SVEP1: variants seen among roughly 807,000 people sequenced by gnomAD.
The protein encoded by SVEP1 is sushi, von Willebrand factor type A, EGF and pentraxin domain containing 1.
Under a neutral mutation model 367.3 loss-of-function variants are expected in SVEP1, and 164 were observed. The observed-to-expected ratio is 0.45, with a 90% confidence interval of 0.39 to 0.51. The LOEUF is 0.51. SVEP1 is among the 20% of genes least tolerant of loss of function. SVEP1 has a pLI of 0.00. For synonymous variants in SVEP1, 1,666 were observed against 1,611.6 expected (o/e 1.03, Z -0.81); for missense variants, 4,117 against 4,425.3 (o/e 0.93, Z 1.98).
chr9:110,391,903 C>A (rs1827661237), intron 40 of SVEP1, among the ~76,000 whole-genome samples: 1 of 151,964 alleles, frequency 6.6e-6, no homozygotes, highest in South Asian at 2.1e-4. Context: ...ACTGAGGGAC[C>A]AAATAGAACA....
intron 18 of SVEP1, among the ~76,000 whole-genome samples, chr9:110,464,101 T>A (rs1011949622): frequency 2.0e-5 from 3 of 152,206 alleles, no homozygotes; most frequent in South Asian, 2.1e-4. Flanking sequence ...TTGGAGGAAG[T>A]GGGCAGGAAG....
intron 8 of SVEP1, among the ~76,000 whole-genome samples, chr9:110,492,996 T>G (rs1393389839): frequency 6.6e-6 from 1 of 152,058 alleles, no homozygotes; most frequent in African/African-American, 2.4e-5. Context: ...GGAGGAAGGC[T>G]GTTCTGAAAA....
chr9:110,579,378 C>T lies in SVEP1; in HGVS notation c.166G>A (p.Ala56Thr). Residue 56 changes from alanine (A) to threonine (T), a missense_variant, in exon 1 of 48, where the codon GCG (alanine) becomes ACG (threonine). By Grantham distance (58) the Ala-to-Thr change is moderately conservative. Around this residue, in one of 4 missense-constraint regions of SVEP1, gnomAD observed 161 missense variants for 122.4 expected, o/e 1.32. Transcript: ENST00000374469. The surrounding 1 kb of genome is among the most constrained non-coding windows in gnomAD (Gnocchi z 5.3). ...AGCCGCTCCACTCTGCTCCCCGCCG[C>T]TTCGTCGCCAGGAGCGGGCGGCGCG... is the stretch of plus-strand genomic sequence containing the variant. ...IPAPPAPGDE[A>T]AGSRVERLGQ... 6.4e-7 allele frequency: 1 copy of T among 1,563,992 alleles called. No homozygotes were observed.
chr9:110,550,218 G>T, intron 1 of SVEP1, 114 bp from the exon 2 acceptor site: 2 of 1,373,920 alleles, frequency 1.5e-6, no homozygotes, highest in Non-Finnish European at 1.0e-6. Context: ...CAGGCATGAG[G>T]GATGGAAGCC....
At chr9:110,447,182 G>A (rs1828615505) in intron 24 of SVEP1, 125 bp from the exon 25 acceptor site, 2 of 867,900 alleles carry the variant, frequency 2.3e-6, no homozygotes, top group Non-Finnish European at 3.2e-6. Flanking sequence ...CCAAAACAGT[G>A]CTTTAATTGC....
At chr9:110,552,555 T>C (rs557085986) in intron 1 of SVEP1, among the ~76,000 whole-genome samples, 4 of 152,208 alleles carry the variant, frequency 2.6e-5, no homozygotes, top group African/African-American at 9.6e-5. Context: ...AGCACTCAAC[T>C]TGTTTTCCTG....
chr9:110,378,858 A>G (rs1199638194), intron 44 of SVEP1, among the ~76,000 whole-genome samples: 2 of 151,870 alleles, frequency 1.3e-5, no homozygotes, highest in African/African-American at 4.8e-5. Context: ...ACATGTAGAC[A>G]TATGTAACAA....
At chr9:110,472,466 C>A in intron 14 of SVEP1, 143 bp from the exon 15 acceptor site, 1 of 676,546 alleles carries the variant, frequency 1.5e-6, no homozygotes, top group Non-Finnish European at 2.3e-6. Context: ...GTTTGGTCTA[C>A]AATGTTATAT....
intron 5 of SVEP1, among the ~76,000 whole-genome samples, chr9:110,512,336 G>A (rs1177872003): frequency 6.6e-6 from 1 of 151,734 alleles, no homozygotes; most frequent in African/African-American, 2.4e-5. Context: ...AGGTCCTGGA[G>A]TTGGCAAGTT....
At chr9:110,518,193 C>T (rs75489284) in intron 3 of SVEP1, among the ~76,000 whole-genome samples, 1 of 152,030 alleles carries the variant, frequency 6.6e-6, no homozygotes, top group East Asian at 1.9e-4. Context: ...GAGGATAAGG[C>T]GGGCCGATCA....
At chr9:110,433,364 CAAAAAAAA>C (rs10611877) in intron 30 of SVEP1, among the ~76,000 whole-genome samples, 958 of 80,506 alleles carry the variant, frequency 0.012, 7 homozygotes, top group Non-Finnish European at 0.015. Flanking sequence ...GTAGATAGGC[CAAAAAAAA>C]AAAAAAAAAA....
intron 24 of SVEP1, among the ~76,000 whole-genome samples, chr9:110,448,177 G>GCA (rs1554715886): frequency 0.23 from 34,838 of 152,030 alleles, 4,501 homozygotes; most frequent in East Asian, 0.4. Context: ...GCGCTCGCGC[G>GCA]TGTGTATGCA....
At position 110,408,243 on chromosome 9, in the gene SVEP1, C is replaced by T. The variant is rs374113606; in HGVS notation, c.7357G>A (p.Val2453Met). Residue 2453 changes from valine to methionine, a missense_variant, in exon 38 of 48, where the codon GTG becomes ATG. Physicochemically the swap from Val to Met is conservative, Grantham distance 21. Coordinates refer to ENST00000374469, the MANE Select transcript of SVEP1 (RefSeq NM_153366.4). ...GTGCTGAGATAGGCAAGGCCTTGCA[C>T]ATCAATGATTCCATTGGGGATTTCC... ...PEEIPNGIID[V>M]QGLAYLSTAL... The T allele has an allele frequency of 5.2e-5, 84 of 1,613,856 alleles. No homozygotes were observed. The East Asian group carries it at 1.6e-3, about 31-fold the overall frequency.
chr9:110,409,577 A>G (rs1223461672), intron 37 of SVEP1, among the ~76,000 whole-genome samples: 1 of 152,184 alleles, frequency 6.6e-6, no homozygotes, highest in Non-Finnish European at 1.5e-5. Context: ...ATGATAAATT[A>G]CTCAGTTCAA....
chr9:110,450,289 C>G (rs367824281), intron 23 of SVEP1, 29 bp from the exon 24 acceptor site: 2 of 1,607,950 alleles, frequency 1.2e-6, no homozygotes, highest in Non-Finnish European at 1.7e-6. Flanking sequence ...GAGAAACAGC[C>G]CAAATGATTA....
chr9:110,546,656 G>C (rs1232981738), intron 2 of SVEP1, among the ~76,000 whole-genome samples: 1 of 152,158 alleles, frequency 6.6e-6, no homozygotes, highest in Non-Finnish European at 1.5e-5. Context: ...CTGCCTCTGG[G>C]TGAGGTCAGG....
chr9:110,449,716 T>A (rs1828663152), intron 24 of SVEP1, among the ~76,000 whole-genome samples: 1 of 152,040 alleles, frequency 6.6e-6, no homozygotes, highest in South Asian at 2.1e-4. Context: ...AATAAATAAT[T>A]AAAATATGGG....
chr9:110,384,349 C>G (rs886765528), intron 43 of SVEP1, among the ~76,000 whole-genome samples: 1 of 151,928 alleles, frequency 6.6e-6, no homozygotes. Context: ...CTGTGGATTG[C>G]GCCAACTGCC....
At chr9:110,479,783 C>T in intron 12 of SVEP1, 27 bp from the exon 13 acceptor site, 3 of 1,585,294 alleles carry the variant, frequency 1.9e-6, no homozygotes, top group Non-Finnish European at 2.6e-6. Context: ...AAAACAGCTT[C>T]AGTTGGTTAG....
Sources: allele counts gnomAD v4.1 joint callset (sites outside exome capture counted in the v4.1 genomes callset), GRCh38; gene constraint gnomAD v4.1.1; regional missense constraint gnomAD v4.1.1; non-coding constraint Gnocchi (gnomAD v3.1); transcripts MANE v1.5; gene names NCBI Gene and HGNC (gene_info 2026-07-23, HGNC 2026-07-21).